MCEMP1: variants seen among roughly 807,000 people sequenced by gnomAD.
MCEMP1 encodes the protein mast cell-expressed membrane protein 1.
A neutral mutation model predicts 27.9 loss-of-function variants in MCEMP1; 17 were observed. The observed-to-expected ratio is 0.61, with a 90% CI of 0.42 to 0.91. The LOEUF (loss-of-function observed/expected upper bound fraction) is 0.91, where lower values mean the gene tolerates loss of function less well. Ranked by LOEUF, MCEMP1 falls within the 40% of genes least tolerant of loss-of-function variation. The pLI is 0.00. For synonymous variants in MCEMP1, 88 were observed against 76.9 expected, an observed-to-expected ratio of 1.14 and a Z score of -0.76; for missense variants, 200 against 204.8, an observed-to-expected ratio of 0.98 and a Z score of 0.14.
Position 7,679,298 on chromosome 19 carries a change from G to T in MCEMP1, c.*184G>T. 1.5e-6 allele frequency: 1 copy of T among 662,954 alleles called. No individual in the cohort carries two copies. Among genetic ancestry groups the T allele is most frequent in the Non-Finnish European group, 2.6e-6 (1 of 389,230 alleles). 41.1% of individuals were successfully genotyped at this position (662,954 alleles called of 1,614,324 possible). A position where few individuals can be genotyped will look rare whatever the true frequency, so the allele number is the denominator to read the frequency against. ...GTTGCTCGTGTGTGTGTACACCTGC[G>T]TGCGTGTGTGTGCGTGTGTGCGCGT... On this transcript the variant is annotated 3_prime_UTR_variant, in exon 7 of 7. Coordinates refer to ENST00000333598, the MANE Select transcript of MCEMP1 (RefSeq NM_174918.3). This position sits in a 1 kb window ranked among gnomAD's most constrained non-coding sequence, Gnocchi z 4.9.
chr19:7,678,162 A>G lies in MCEMP1; in HGVS notation c.204A>G (p.Arg68=). The G allele has an allele frequency of 1.9e-6, 3 of 1,613,930 alleles. No homozygotes were observed. Among genetic ancestry groups the G allele is most frequent in the Non-Finnish European group, 8.5e-7 (1 of 1,179,932 alleles). ...CCCAGGTCCCCTGCTGGTTGTACAGAGCCATCCTGAGCCTGTACATCCTCC... is the reference window on the plus strand; with the variant it reads ...CCCAGGTCCCCTGCTGGTTGTACAGGGCCATCCTGAGCCTGTACATCCTCC... ...DSTQVPCWLY[R]AILSLYILLA... Residue 68 remains arginine (R), a synonymous_variant, in exon 3 of 7, where the codon AGA becomes AGG. Coordinates refer to ENST00000333598, the MANE Select transcript of MCEMP1 (RefSeq NM_174918.3). This position sits in a 1 kb window ranked among gnomAD's most constrained non-coding sequence, Gnocchi z 4.8.
In MCEMP1 at chr19:7,678,266, G is replaced by T. The variant is rs532507573; in HGVS notation, c.283+25G>T. On this transcript the variant is annotated intron_variant, in intron 3 of 6. Coordinates refer to ENST00000333598, the MANE Select transcript of MCEMP1 (RefSeq NM_174918.3). This position sits in a 1 kb window ranked among gnomAD's most constrained non-coding sequence, Gnocchi z 4.8. ...AGTGAGTACTTCTTGGGAGGAGGGT[G>T]CTGGGGGGCCTAGACTTTCTCCCTT... The T allele has an allele frequency of 1.7e-5, 28 of 1,614,018 alleles. 1 individual carries two copies. The South Asian group carries it at 3.0e-4, about 17-fold the overall frequency.
At position 7,679,207 on chromosome 19, in the gene MCEMP1, AGT is replaced by A; in HGVS notation, c.*97_*98del. 1 of 1,236,318 alleles carries A rather than the reference AGT, an allele frequency of 8.1e-7. No individual in the cohort carries two copies. The highest frequency in any genetic ancestry group is 1.1e-6 in the Non-Finnish European group (1 of 934,114). 76.6% of individuals were successfully genotyped at this position (1,236,318 alleles called of 1,614,324 possible). On this transcript the variant is annotated 3_prime_UTR_variant, in exon 7 of 7. Transcript: ENST00000333598. The surrounding 1 kb of genome is among the most constrained non-coding windows in gnomAD (Gnocchi z 4.9). ...GGAAATGACCCCCCCCCCCCAGCCT[AGT>A]GTGAACCTGCCCCTCGTCCCACGTA...
In MCEMP1 at chr19:7,677,612, T is replaced by TGAGCAGATCTCC. The variant is rs749423491; in HGVS notation, c.56-24_56-13dup. ...ATCCACTCTCCACACCACAGAGCTC[T>TGAGCAGATCTCC]GAGCAGATCTCCAACCCCTCCCAGG... On this transcript the variant is annotated intron_variant, in intron 1 of 6. Coordinates refer to ENST00000333598, the MANE Select transcript of MCEMP1 (RefSeq NM_174918.3). The surrounding 1 kb of genome is among the most constrained non-coding windows in gnomAD (Gnocchi z 4.6). 11 of 1,587,014 alleles carry TGAGCAGATCTCC rather than the reference T, an allele frequency of 6.9e-6. No homozygotes were observed. Among genetic ancestry groups the TGAGCAGATCTCC allele is most frequent in the Non-Finnish European group, 8.7e-6 (10 of 1,155,306 alleles).
In MCEMP1 at chr19:7,678,367, G is replaced by A. The variant is rs777902779; in HGVS notation, c.301G>A (p.Glu101Lys). The change falls in exon 4 of 7, where the codon GAG (glutamate) becomes AAG (lysine). Residue 101 changes from glutamate to lysine, a missense_variant. By Grantham distance (56) the Glu-to-Lys change is moderately conservative (BLOSUM62 1). Coordinates refer to ENST00000333598, the MANE Select transcript of MCEMP1 (RefSeq NM_174918.3). This position sits in a 1 kb window ranked among gnomAD's most constrained non-coding sequence, Gnocchi z 4.8. ...IMVKNAEMSK[E>K]LLGFKRELWN... ...CTGAACAGATGCTGAGATGTCCAAGGAGCTGCTGGGCTTTAAAAGGGAGCT... is the reference window on the plus strand; with the variant it reads ...CTGAACAGATGCTGAGATGTCCAAGAAGCTGCTGGGCTTTAAAAGGGAGCT... The A allele has an allele frequency of 6.2e-7, 1 of 1,614,102 alleles. No individual in the cohort carries two copies. The highest frequency in any genetic ancestry group is 1.1e-5 in the South Asian group (1 of 91,080).
Position 7,678,260 on chromosome 19 carries a change from G to C in MCEMP1, c.283+19G>C. ...GTGAAGAGTGAGTACTTCTTGGGAG[G>C]AGGGTGCTGGGGGGCCTAGACTTTC... On this transcript the variant is annotated intron_variant, in intron 3 of 6. Transcript: ENST00000333598. This position sits in a 1 kb window ranked among gnomAD's most constrained non-coding sequence, Gnocchi z 4.8. The C allele has an allele frequency of 6.2e-7, 1 of 1,614,036 alleles. No homozygotes were observed. The highest frequency in any genetic ancestry group is 8.5e-7 in the Non-Finnish European group (1 of 1,179,950).
Position 7,677,309 on chromosome 19 carries a change from C to A in MCEMP1, c.55+134C>A. On this transcript the variant is annotated intron_variant, in intron 1 of 6. Transcript: ENST00000333598. The surrounding 1 kb of genome is among the most constrained non-coding windows in gnomAD (Gnocchi z 4.6). ...ATTGCGTGAGCCCTGGAGGTGGAGACTGGCCTGGGCAACATAGGGAGACTC... is the reference window on the plus strand; with the variant it reads ...ATTGCGTGAGCCCTGGAGGTGGAGAATGGCCTGGGCAACATAGGGAGACTC... 1.3e-6 allele frequency: 1 copy of A among 748,248 alleles called. No homozygotes were observed. Among genetic ancestry groups the A allele is most frequent in the Non-Finnish European group, 2.2e-6 (1 of 452,536 alleles). The allele number at this position is 748,248 out of a possible 1,614,324, so 46.4% of individuals were successfully genotyped here.
rs2032582913 is a variant in MCEMP1, at chr19:7,678,799, G to A, written c.449-125G>A. On this transcript the variant is annotated intron_variant, in intron 5 of 6. Transcript: ENST00000333598. This position sits in a 1 kb window ranked among gnomAD's most constrained non-coding sequence, Gnocchi z 4.8. ...GGCTCCTGGGAACCCCAAATCCATG[G>A]GCTCTGCTGTACCCCAGGGTGGGTG... The A allele has an allele frequency of 5.2e-6, 6 of 1,155,744 alleles. No homozygotes were observed. In the South Asian group the frequency reaches 7.5e-5, roughly 14 times the overall value. The allele number at this position is 1,155,744 out of a possible 1,614,324, so 71.6% of individuals were successfully genotyped here.
Position 7,678,432 on chromosome 19 carries a change from G to T in MCEMP1, c.334+32G>T. 1.2e-6 allele frequency: 2 copies of T among 1,614,030 alleles called. No individual in the cohort carries two copies. The highest frequency in any genetic ancestry group is 1.7e-6 in the Non-Finnish European group (2 of 1,179,980). On this transcript the variant is annotated intron_variant, in intron 4 of 6. Transcript: ENST00000333598. The surrounding 1 kb of genome is among the most constrained non-coding windows in gnomAD (Gnocchi z 4.8). ...GGAGGGTCTGAGGGAGACCCGTGGG[G>T]TCATGGTGGGGGTCTGGAGAGGGAT...
rs1045127590 is a variant in MCEMP1, at chr19:7,677,968, G to A, written c.146-136G>A. 4.0e-5 allele frequency: 54 copies of A among 1,357,404 alleles called. No homozygotes were observed. The highest frequency in any genetic ancestry group is 1.5e-4 in the South Asian group (11 of 71,388). The allele number at this position is 1,357,404 out of a possible 1,614,324, so 84.1% of individuals were successfully genotyped here. ...GGCTGGTGGTGGCAGTGTTGTTGACGATGATGACAAGCTGCATGACCACAG... is the reference window on the plus strand; with the variant it reads ...GGCTGGTGGTGGCAGTGTTGTTGACAATGATGACAAGCTGCATGACCACAG... On this transcript the variant is annotated intron_variant, in intron 2 of 6. Coordinates refer to ENST00000333598, the MANE Select transcript of MCEMP1 (RefSeq NM_174918.3). The surrounding 1 kb of genome is among the most constrained non-coding windows in gnomAD (Gnocchi z 4.6).
Position 7,677,627 on chromosome 19 carries a change from C to A in MCEMP1, c.56-10C>A. The A allele has an allele frequency of 6.2e-7, 1 of 1,610,038 alleles. No homozygotes were observed. The highest frequency in any genetic ancestry group is 1.1e-5 in the South Asian group (1 of 90,996). On this transcript the variant is annotated splice_polypyrimidine_tract_variant and intron_variant, in intron 1 of 6. Transcript: ENST00000333598. This position sits in a 1 kb window ranked among gnomAD's most constrained non-coding sequence, Gnocchi z 4.6. ...CACAGAGCTCTGAGCAGATCTCCAACCCCTCCCAGGTGCCCATGACCCAGA... is the reference window on the plus strand; with the variant it reads ...CACAGAGCTCTGAGCAGATCTCCAAACCCTCCCAGGTGCCCATGACCCAGA...
In MCEMP1 at chr19:7,678,189, G is replaced by A; in HGVS notation, c.231G>A (p.Leu77=). 6.2e-7 allele frequency: 1 copy of A among 1,614,072 alleles called. No individual in the cohort carries two copies. The highest frequency in any genetic ancestry group is 8.5e-7 in the Non-Finnish European group (1 of 1,179,992). ...CCATCCTGAGCCTGTACATCCTCCT[G>A]GCCCTGGCCTTTGTCCTCTGCATCA... is the stretch of plus-strand genomic sequence containing the variant. ...YRAILSLYIL[L]ALAFVLCIIL... Residue 77 remains leucine, a synonymous_variant, in exon 3 of 7, where the codon CTG becomes CTA. Coordinates refer to ENST00000333598, the MANE Select transcript of MCEMP1 (RefSeq NM_174918.3). The surrounding 1 kb of genome is among the most constrained non-coding windows in gnomAD (Gnocchi z 4.8).
Position 7,677,750 on chromosome 19 carries a change from C to T in MCEMP1, c.145+24C>T, listed in dbSNP as rs371343574. 42 of 1,562,512 alleles carry T rather than the reference C, an allele frequency of 2.7e-5. No individual in the cohort carries two copies. The highest frequency in any genetic ancestry group is 3.6e-5 in the Non-Finnish European group (41 of 1,150,452). ...AGGTGAGCAGACACCCACCTGCTCA[C>T]ATCCCATCACCTTGGGAAGGGGCAG... is the stretch of plus-strand genomic sequence containing the variant. On this transcript the variant is annotated intron_variant, in intron 2 of 6. Transcript: ENST00000333598. The surrounding 1 kb of genome is among the most constrained non-coding windows in gnomAD (Gnocchi z 4.6).
chr19:7,679,802 G>A lies in MCEMP1; in HGVS notation c.*688G>A, dbSNP rs558800205. ...TCTGCACTCACATTTTGTGACTTAT[G>A]AAGATAAATAAAGTCAAGGGAAAAC... On this transcript the variant is annotated 3_prime_UTR_variant, in exon 7 of 7. Coordinates refer to ENST00000333598, the MANE Select transcript of MCEMP1 (RefSeq NM_174918.3). This position sits in a 1 kb window ranked among gnomAD's most constrained non-coding sequence, Gnocchi z 4.9. 7 of 152,150 alleles carry A rather than the reference G, an allele frequency of 4.6e-5. No homozygotes were observed. The highest frequency in any genetic ancestry group is 4.4e-5 in the Non-Finnish European group (3 of 68,038). The allele number at this position is 152,150 out of a possible 1,614,324, so 9.4% of individuals were successfully genotyped here.
chr19:7,679,460 A>C lies in MCEMP1; in HGVS notation c.*346A>C. On this transcript the variant is annotated 3_prime_UTR_variant, in exon 7 of 7. Transcript: ENST00000333598. This position sits in a 1 kb window ranked among gnomAD's most constrained non-coding sequence, Gnocchi z 4.9. ...TGAATGTGGCATGCATGCCTGTGTCATGTGACATATGTGAGTCTCGGCATG... is the reference window on the plus strand; with the variant it reads ...TGAATGTGGCATGCATGCCTGTGTCCTGTGACATATGTGAGTCTCGGCATG... The C allele has an allele frequency of 3.3e-6, 1 of 300,300 alleles. No individual in the cohort carries two copies. Among genetic ancestry groups the C allele is most frequent in the East Asian group, 6.0e-5 (1 of 16,702 alleles). 18.6% of individuals were successfully genotyped at this position (300,300 alleles called of 1,614,324 possible). A position where few individuals can be genotyped will look rare whatever the true frequency, so the allele number is the denominator to read the frequency against.
chr19:7,678,055 A>G lies in MCEMP1; in HGVS notation c.146-49A>G. On this transcript the variant is annotated intron_variant, in intron 2 of 6. Coordinates refer to ENST00000333598, the MANE Select transcript of MCEMP1 (RefSeq NM_174918.3). This position sits in a 1 kb window ranked among gnomAD's most constrained non-coding sequence, Gnocchi z 4.8. ...TGTTAGAGACAGTGAGGATGGTTTG[A>G]GTGGTGGTGCTGGCCCCTCAAGGTC... The G allele has an allele frequency of 6.5e-7, 1 of 1,543,760 alleles. No individual in the cohort carries two copies.
In MCEMP1 at chr19:7,679,147, C is replaced by T. The variant is rs1427404233; in HGVS notation, c.*33C>T. 1 of 1,570,704 alleles carries T rather than the reference C, an allele frequency of 6.4e-7. No homozygotes were observed. Among genetic ancestry groups the T allele is most frequent in the Non-Finnish European group, 8.7e-7 (1 of 1,155,670 alleles). Reference sequence around the variant, plus strand: ...GACATTGTGGCAGCCAAAGCCACAACTTGGAAGATGGGGCTGCACCTGCCA... The same window carrying T: ...GACATTGTGGCAGCCAAAGCCACAATTTGGAAGATGGGGCTGCACCTGCCA... On this transcript the variant is annotated 3_prime_UTR_variant, in exon 7 of 7. Coordinates refer to ENST00000333598, the MANE Select transcript of MCEMP1 (RefSeq NM_174918.3). This position sits in a 1 kb window ranked among gnomAD's most constrained non-coding sequence, Gnocchi z 4.9.
In MCEMP1 at chr19:7,677,566, T is replaced by A. The variant is rs2032567111; in HGVS notation, c.56-71T>A. ...CCTACAATTTATTGAGTGCAAAGGG[T>A]TGGGTAAAACAAGATCCCGGATCCA... On this transcript the variant is annotated intron_variant, in intron 1 of 6. Transcript: ENST00000333598. This position sits in a 1 kb window ranked among gnomAD's most constrained non-coding sequence, Gnocchi z 4.6. The A allele has an allele frequency of 1.4e-6, 2 of 1,392,566 alleles. No individual in the cohort carries two copies. The highest frequency in any genetic ancestry group is 2.0e-6 in the Non-Finnish European group (2 of 978,898). 86.3% of individuals were successfully genotyped at this position (1,392,566 alleles called of 1,614,324 possible).
chr19:7,679,216 C>G lies in MCEMP1; in HGVS notation c.*102C>G. 7.6e-7 allele frequency: 1 copy of G among 1,315,744 alleles called. No homozygotes were observed. The highest frequency in any genetic ancestry group is 2.8e-5 in the Admixed American group (1 of 35,604). The allele number at this position is 1,315,744 out of a possible 1,614,324, so 81.5% of individuals were successfully genotyped here. A position where few individuals can be genotyped will look rare whatever the true frequency, so the allele number is the denominator to read the frequency against. ...CCCCCCCCCCCAGCCTAGTGTGAACCTGCCCCTCGTCCCACGTATAGAAAA... is the reference window on the plus strand; with the variant it reads ...CCCCCCCCCCCAGCCTAGTGTGAACGTGCCCCTCGTCCCACGTATAGAAAA... On this transcript the variant is annotated 3_prime_UTR_variant, in exon 7 of 7. Coordinates refer to ENST00000333598, the MANE Select transcript of MCEMP1 (RefSeq NM_174918.3). The surrounding 1 kb of genome is among the most constrained non-coding windows in gnomAD (Gnocchi z 4.9).
Sources: gnomAD v4.1 joint callset for allele counts on GRCh38, gnomAD v4.1.1 for gene constraint, Gnocchi (gnomAD v3.1) non-coding constraint, MANE v1.5 for transcripts, NCBI Gene and HGNC (gene_info 2026-07-23, HGNC 2026-07-21) for gene names.